Variants in RAB21 observed in about 807,000 individuals in gnomAD.
RAB21 encodes ras-related protein Rab-21.
Under a neutral mutation model 33.1 loss-of-function variants are expected in RAB21, and 13 were observed. That is an observed-to-expected ratio of 0.39 (90% CI 0.26 to 0.62). RAB21 has a LOEUF of 0.62. Among genes scored for constraint, RAB21 ranks in the 20% least tolerant of loss-of-function variants. The pLI is 0.48. For synonymous variants in RAB21, 91 were observed against 103.7 expected, an observed-to-expected ratio of 0.88 and a Z score of 0.74; for missense variants, 234 against 279.1, an observed-to-expected ratio of 0.84 and a Z score of 1.15.
Position 71,794,221 on chromosome 12 carries a change from CAAAAAAA to C in RAB21, c.*8549_*8555del, listed in dbSNP as rs1312252790. The C allele has an allele frequency of 3.8e-5, 5 of 130,160 alleles. No individual in the cohort carries two copies. In the East Asian group the frequency reaches 7.9e-4, roughly 20 times the overall value. 8.1% of individuals were successfully genotyped at this position (130,160 alleles called of 1,614,324 possible). A position where few individuals can be genotyped will look rare whatever the true frequency, so the allele number is the denominator to read the frequency against. ...TGGACGACAGAGTGAGGCCCTGTCT[CAAAAAAA>C]GAAAAAAGAAAAAAAAAAGTTAAAA... On this transcript the variant is annotated 3_prime_UTR_variant, in exon 7 of 7. Coordinates refer to ENST00000261263, the MANE Select transcript of RAB21 (RefSeq NM_014999.4).
chr12:71,765,400 T>C (rs1882944729), intron 1 of RAB21, among the ~76,000 whole-genome samples: 1 of 152,106 alleles, frequency 6.6e-6, no homozygotes, highest in African/African-American at 2.4e-5. Flanking sequence ...CCACTCTGGG[T>C]TGTCTGTTTA....
chr12:71,767,002 G>T (rs539701718), intron 1 of RAB21, among the ~76,000 whole-genome samples: 1 of 152,132 alleles, frequency 6.6e-6, no homozygotes, highest in African/African-American at 2.4e-5. Context: ...ATGATTTTGT[G>T]AAAAGTGCAT....
At chr12:71,756,097 TG>T (rs1201756507) in intron 1 of RAB21, among the ~76,000 whole-genome samples, 1 of 152,210 alleles carries the variant, frequency 6.6e-6, no homozygotes, top group African/African-American at 2.4e-5. Context: ...AAATCAGTTT[TG>T]ATGTTATTAG....
intron 2 of RAB21, 59 bp downstream of exon 2, chr12:71,769,918 A>T (rs906508672): frequency 4.3e-5 from 39 of 904,270 alleles, no homozygotes; most frequent in South Asian, 6.8e-5. Context: ...CTTTTTTTTT[A>T]AAGTTAATTG....
In RAB21 at chr12:71,781,142, A is replaced by G. The variant is rs148345316; in HGVS notation, c.392-889A>G. ...GCATGATATACATATATTAAGTTTT[A>G]ATAACTCACTAAAATTGTTTTTTAA... On this transcript the variant is annotated intron_variant, in intron 4 of 6. Transcript: ENST00000261263. Among the ~76,000 whole-genome samples the G allele has an allele frequency of 6.4e-3, 974 of 152,284 alleles. 40 individuals carry two copies. Among genetic ancestry groups the G allele is most frequent in the East Asian group, 0.022 (114 of 5,186 alleles).
chr12:71,774,169 T>C, intron 4 of RAB21, 147 bp downstream of exon 4: 1 of 493,838 alleles, frequency 2.0e-6, no homozygotes, highest in Non-Finnish European at 3.3e-6. Context: ...GGATTTAGCC[T>C]GGTGCAGTGG....
chr12:71,765,452 T>G (rs1344617252), intron 1 of RAB21, among the ~76,000 whole-genome samples: 1 of 152,216 alleles, frequency 6.6e-6, no homozygotes, highest in Non-Finnish European at 1.5e-5. Context: ...GCGTTTCAGT[T>G]TAATTAGGTA....
intron 1 of RAB21, among the ~76,000 whole-genome samples, chr12:71,765,290 T>G (rs895793509): frequency 6.6e-6 from 1 of 152,194 alleles, no homozygotes; most frequent in Non-Finnish European, 1.5e-5. Context: ...CTTTGCCCAC[T>G]TTTTGATGGG....
intron 1 of RAB21, among the ~76,000 whole-genome samples, chr12:71,767,413 A>C (rs1266935017): frequency 6.6e-6 from 1 of 152,192 alleles, no homozygotes; most frequent in Non-Finnish European, 1.5e-5. Flanking sequence ...AGCTGTCAGC[A>C]GGGATGTTCA....
At position 71,754,925 on chromosome 12, in the gene RAB21, G is replaced by C. The variant is rs930195764; in HGVS notation, c.-205G>C. On this transcript the variant is annotated 5_prime_UTR_variant, in exon 1 of 7. Coordinates refer to ENST00000261263, the MANE Select transcript of RAB21 (RefSeq NM_014999.4). ...GGGATCGTTCTTCGCTTTTCCTCCG[G>C]TGCCTGACGTGGTGGGCTGGGGCCC... 8 of 253,020 alleles carry C rather than the reference G, an allele frequency of 3.2e-5. No individual in the cohort carries two copies. Among genetic ancestry groups the C allele is most frequent in the African/African-American group, 1.6e-4 (7 of 43,338 alleles). The allele number at this position is 253,020 out of a possible 1,614,324, so 15.7% of individuals were successfully genotyped here.
At chr12:71,774,291 C>CAAAA (rs143403147) in intron 4 of RAB21, 6 of 27,638 alleles carry the variant, frequency 2.2e-4, no homozygotes, top group East Asian at 1.5e-3. Flanking sequence ...TCTAAAAATA[C>CAAAA]AAAAAAAAAA....
At chr12:71,756,758 G>A (rs1882791331) in intron 1 of RAB21, among the ~76,000 whole-genome samples, 1 of 152,200 alleles carries the variant, frequency 6.6e-6, no homozygotes, top group African/African-American at 2.4e-5. Context: ...GAAGTTTAGA[G>A]ATTTACTTAG....
chr12:71,766,501 T>C (rs1277605140), intron 1 of RAB21, among the ~76,000 whole-genome samples: 1 of 152,132 alleles, frequency 6.6e-6, no homozygotes, highest in Non-Finnish European at 1.5e-5. Context: ...AGTGAATTAA[T>C]ATTTGAGAAG....
intron 4 of RAB21, among the ~76,000 whole-genome samples, chr12:71,776,759 A>G (rs926482720): frequency 6.6e-6 from 1 of 152,110 alleles, no homozygotes; most frequent in Non-Finnish European, 1.5e-5. Context: ...ACTTTTCCCA[A>G]ACTTATTAGG....
At position 71,785,883 on chromosome 12, in the gene RAB21, T is replaced by C; in HGVS notation, c.*210T>C. On this transcript the variant is annotated 3_prime_UTR_variant, in exon 7 of 7. Coordinates refer to ENST00000261263, the MANE Select transcript of RAB21 (RefSeq NM_014999.4). ...GAATTGGCATTTTCTACAAATGTTT[T>C]TTTTTGTTTTTTTTTTGTTTTTTTT... The C allele has an allele frequency of 1.8e-6, 1 of 541,946 alleles. No homozygotes were observed. The highest frequency in any genetic ancestry group is 3.0e-6 in the Non-Finnish European group (1 of 334,230). The allele number at this position is 541,946 out of a possible 1,614,324, so 33.6% of individuals were successfully genotyped here. A position where few individuals can be genotyped will look rare whatever the true frequency, so the allele number is the denominator to read the frequency against.
chr12:71,770,413 G>T (rs1030368355), intron 2 of RAB21, 179 bp from the exon 3 acceptor site: 3 of 587,518 alleles, frequency 5.1e-6, no homozygotes, highest in African/African-American at 3.8e-5. Flanking sequence ...ATTACATATT[G>T]GTCATAACTT....
At position 71,795,004 on chromosome 12, in the gene RAB21, A is replaced by G. The variant is rs941574725; in HGVS notation, c.*9331A>G. 5.9e-5 allele frequency: 9 copies of G among 152,076 alleles called. No individual in the cohort carries two copies. Among genetic ancestry groups the G allele is most frequent in the African/African-American group, 1.4e-4 (6 of 41,426 alleles). 9.4% of individuals were successfully genotyped at this position (152,076 alleles called of 1,614,324 possible). On this transcript the variant is annotated 3_prime_UTR_variant, in exon 7 of 7. Coordinates refer to ENST00000261263, the MANE Select transcript of RAB21 (RefSeq NM_014999.4). ...TCATAGTAATCACCATGTGTAAGCAATTCTCATCTGTGGAATGTTTGACAG... is the reference window on the plus strand; with the variant it reads ...TCATAGTAATCACCATGTGTAAGCAGTTCTCATCTGTGGAATGTTTGACAG...
At chr12:71,758,491 T>C (rs1882822288) in intron 1 of RAB21, among the ~76,000 whole-genome samples, 1 of 152,010 alleles carries the variant, frequency 6.6e-6, no homozygotes, top group African/African-American at 2.4e-5. Context: ...TGACATCGTT[T>C]TAAATCCTTT....
chr12:71,773,939 G>C lies in RAB21; in HGVS notation c.328-20G>C. On this transcript the variant is annotated intron_variant, in intron 3 of 6. Coordinates refer to ENST00000261263, the MANE Select transcript of RAB21 (RefSeq NM_014999.4). ...ATTCCAACAGGATTTGTTTTAATAT[G>C]TGCTCTTTTGTATATACAGGTAAAA... The C allele has an allele frequency of 6.5e-7, 1 of 1,542,236 alleles. No homozygotes were observed. Among genetic ancestry groups the C allele is most frequent in the Non-Finnish European group, 8.8e-7 (1 of 1,135,230 alleles).
Sources: allele counts gnomAD v4.1 joint callset (sites outside exome capture counted in the v4.1 genomes callset), GRCh38; gene constraint gnomAD v4.1.1; transcripts MANE v1.5; gene names NCBI Gene and HGNC (gene_info 2026-07-23, HGNC 2026-07-21).